The following UBE2E2 variants were observed in gnomAD, a reference collection of about 807,000 sequenced individuals.
The protein encoded by UBE2E2 is ubiquitin conjugating enzyme E2 E2.
Under a neutral mutation model 24.7 loss-of-function variants are expected in UBE2E2, and 6 were observed. The observed-to-expected ratio is 0.24, with a 90% CI of 0.13 to 0.48. The LOEUF (loss-of-function observed/expected upper bound fraction) is 0.48. UBE2E2 is among the 20% of genes least tolerant of loss of function. The pLI, the probability that UBE2E2 is intolerant of heterozygous loss-of-function variation, is 0.99. For synonymous variants in UBE2E2, 104 were observed against 83.6 expected (o/e 1.24, Z -1.33); for missense variants, 169 against 245.0 (o/e 0.69, Z 2.07).
chr3:23,520,186 T>G (rs959740572), intron 4 of UBE2E2, among the ~76,000 whole-genome samples: 1 of 151,460 alleles, frequency 6.6e-6, no homozygotes, highest in Non-Finnish European at 1.5e-5. Flanking sequence ...TGTATTTTCC[T>G]TATAAGCTTT....
chr3:23,445,829 T>C (rs1353363226), intron 3 of UBE2E2, among the ~76,000 whole-genome samples: 1 of 152,170 alleles, frequency 6.6e-6, no homozygotes, highest in Non-Finnish European at 1.5e-5. Flanking sequence ...TAGTGAGGCA[T>C]GCAAATTCTC....
At chr3:23,551,107 A>G (rs552462059) in intron 5 of UBE2E2, among the ~76,000 whole-genome samples, 10 of 152,356 alleles carry the variant, frequency 6.6e-5, no homozygotes, top group African/African-American at 1.9e-4. Context: ...GGAATAAGGT[A>G]CAACATTCTT....
rs34258354 is a variant in UBE2E2, at chr3:23,287,773, C to CTTT, written c.227+70474_227+70476dup. Among the ~76,000 whole-genome samples the CTTT allele has an allele frequency of 5.0e-5, 7 of 138,990 alleles. No homozygotes were observed. In the East Asian group the frequency reaches 1.0e-3, roughly 20 times the overall value. The allele number at this position is 138,990 out of a possible 152,430, so 91.2% of individuals were successfully genotyped here. ...GCAGTGTTGGTTGTAATGTCTCTCTCTTTTTTTTTTTTTTTACATCTCTGA... is the reference window on the plus strand; with the variant it reads ...GCAGTGTTGGTTGTAATGTCTCTCTCTTTTTTTTTTTTTTTTTTACATCTCTGA... On this transcript the variant is annotated intron_variant, in intron 3 of 5. Transcript: ENST00000396703.
chr3:23,339,441 A>C (rs1035035816), intron 3 of UBE2E2, among the ~76,000 whole-genome samples: 1 of 152,134 alleles, frequency 6.6e-6, no homozygotes, highest in African/African-American at 2.4e-5. Context: ...TGATTTAGAT[A>C]ATTGTACTGT....
intron 3 of UBE2E2, among the ~76,000 whole-genome samples, chr3:23,223,602 A>G (rs903473421): frequency 6.6e-6 from 1 of 152,240 alleles, no homozygotes; most frequent in South Asian, 2.1e-4. Flanking sequence ...ATAGTTTGCA[A>G]ATATTTTCTC....
intron 4 of UBE2E2, among the ~76,000 whole-genome samples, chr3:23,507,889 C>G (rs1043039869): frequency 1.3e-5 from 2 of 152,210 alleles, no homozygotes; most frequent in African/African-American, 4.8e-5. Context: ...TCCGAAGACA[C>G]TGGGGGCTTT....
At chr3:23,577,105 A>G (rs1299227669) in intron 5 of UBE2E2, among the ~76,000 whole-genome samples, 1 of 151,936 alleles carries the variant, frequency 6.6e-6, no homozygotes, top group East Asian at 1.9e-4. Flanking sequence ...TACTATTGTA[A>G]TTGATTTGTA....
chr3:23,281,457 C>A (rs1698488856), intron 3 of UBE2E2, among the ~76,000 whole-genome samples: 1 of 152,170 alleles, frequency 6.6e-6, no homozygotes, highest in Admixed American at 6.5e-5. Flanking sequence ...AAAGCAAGAA[C>A]TTGTCTCTAC....
intron 3 of UBE2E2, among the ~76,000 whole-genome samples, chr3:23,473,498 A>G (rs1042123310): frequency 2.0e-5 from 3 of 149,848 alleles, no homozygotes; most frequent in Non-Finnish European, 4.5e-5. Flanking sequence ...TAAGTTCTTT[A>G]GTGGTGATTT....
chr3:23,309,269 C>T (rs1285087786), intron 3 of UBE2E2, among the ~76,000 whole-genome samples: 1 of 152,172 alleles, frequency 6.6e-6, no homozygotes, highest in African/African-American at 2.4e-5. Flanking sequence ...AGAAACAATA[C>T]TTCAGCAGCC....
intron 3 of UBE2E2, among the ~76,000 whole-genome samples, chr3:23,390,609 C>G (rs979772631): frequency 6.6e-6 from 1 of 152,222 alleles, no homozygotes; most frequent in South Asian, 2.1e-4. Context: ...CTCCACTGAG[C>G]TGGTTAACAG....
chr3:23,510,000 G>T (rs917771492), intron 4 of UBE2E2, among the ~76,000 whole-genome samples: 1 of 151,976 alleles, frequency 6.6e-6, no homozygotes, highest in Non-Finnish European at 1.5e-5. Flanking sequence ...GGGTTGGTTC[G>T]TAGTCTTTGC....
chr3:23,353,770 A>G (rs1405555768), intron 3 of UBE2E2, among the ~76,000 whole-genome samples: 1 of 152,296 alleles, frequency 6.6e-6, no homozygotes, highest in South Asian at 2.1e-4. Context: ...TTCCATGCTC[A>G]TGGGTAGGAA....
chr3:23,299,199 G>A lies in UBE2E2; in HGVS notation c.227+81887G>A, dbSNP rs185393455. On this transcript the variant is annotated intron_variant, in intron 3 of 5. Coordinates refer to ENST00000396703, the MANE Select transcript of UBE2E2 (RefSeq NM_152653.4). ...TCTCTTCTTTATTAGTCTTGCTGGCGGTCTATCAATTTTGTTGATGTTTTC... is the reference window on the plus strand; with the variant it reads ...TCTCTTCTTTATTAGTCTTGCTGGCAGTCTATCAATTTTGTTGATGTTTTC... 1.4e-3 allele frequency among the ~76,000 whole-genome samples: 216 copies of A among 152,102 alleles called. 3 individuals carry two copies. The East Asian group carries it at 0.019, about 13-fold the overall frequency.
intron 3 of UBE2E2, among the ~76,000 whole-genome samples, chr3:23,270,782 A>G (rs1292144168): frequency 1.3e-5 from 2 of 152,224 alleles, no homozygotes; most frequent in Non-Finnish European, 2.9e-5. Context: ...GTTACTAGTT[A>G]CAATGTTTAA....
intron 3 of UBE2E2, among the ~76,000 whole-genome samples, chr3:23,300,314 G>A (rs1013303711): frequency 6.6e-6 from 1 of 152,124 alleles, no homozygotes; most frequent in African/African-American, 2.4e-5. Flanking sequence ...GTGTGAATTT[G>A]ATCCTGTCAT....
intron 3 of UBE2E2, among the ~76,000 whole-genome samples, chr3:23,274,308 T>G (rs1396625865): frequency 2.0e-5 from 3 of 152,102 alleles, no homozygotes; most frequent in African/African-American, 7.2e-5. Context: ...TCCCCTCTTC[T>G]TCTTCTCTCT....
intron 3 of UBE2E2, among the ~76,000 whole-genome samples, chr3:23,336,393 G>A (rs1196779291): frequency 1.3e-5 from 2 of 152,116 alleles, no homozygotes; most frequent in African/African-American, 4.8e-5. Context: ...TTTCCTATAG[G>A]CAAATTAAGT....
chr3:23,430,379 A>G (rs1698031084), intron 3 of UBE2E2, among the ~76,000 whole-genome samples: 1 of 152,130 alleles, frequency 6.6e-6, no homozygotes, highest in Non-Finnish European at 1.5e-5. Context: ...CTCATGTGTC[A>G]GGTAGTGATA....
Sources: gnomAD v4.1 joint callset for allele counts (sites outside exome capture counted in the v4.1 genomes callset) on GRCh38, gnomAD v4.1.1 for gene constraint, MANE v1.5 for transcripts, NCBI Gene and HGNC (gene_info 2026-07-23, HGNC 2026-07-21) for gene names.